STIM1: variants seen among roughly 807,000 people sequenced by gnomAD.
The protein encoded by STIM1 is stromal interaction molecule 1.
Under a neutral mutation model 74.7 loss-of-function variants are expected in STIM1, and 25 were observed. The observed-to-expected ratio is 0.33, with a 90% CI of 0.24 to 0.47. The LOEUF (loss-of-function observed/expected upper bound fraction) is 0.47, where lower values mean the gene tolerates loss of function less well. Among genes scored for constraint, STIM1 ranks in the 20% least tolerant of loss-of-function variants. STIM1 has a pLI of 1.00. For synonymous variants in STIM1, 328 were observed against 348.8 expected, an observed-to-expected ratio of 0.94 and a Z score of 0.66; for missense variants, 728 against 920.8, an observed-to-expected ratio of 0.79 and a Z score of 2.71.
intron 1 of STIM1, among the ~76,000 whole-genome samples, chr11:3,962,532 C>G (rs2093298497): frequency 6.6e-6 from 1 of 151,916 alleles, no homozygotes; most frequent in Admixed American, 6.6e-5. Flanking sequence ...AAAGTTGATT[C>G]TATGTCTTGC....
intron 2 of STIM1, among the ~76,000 whole-genome samples, chr11:4,007,213 A>G (rs761045383): frequency 2.6e-5 from 4 of 152,124 alleles, no homozygotes; most frequent in Non-Finnish European, 5.9e-5. Flanking sequence ...AGTTCTAGCC[A>G]ATGTTGCATT....
chr11:3,870,849 A>G (rs2091057128), intron 1 of STIM1, among the ~76,000 whole-genome samples: 1 of 145,134 alleles, frequency 6.9e-6, no homozygotes, highest in African/African-American at 2.6e-5. Flanking sequence ...ACACCGAGTG[A>G]CCATATCCTA....
At chr11:3,894,770 G>T (rs539485342) in intron 1 of STIM1, among the ~76,000 whole-genome samples, 31 of 151,946 alleles carry the variant, frequency 2.0e-4, no homozygotes, top group Non-Finnish European at 4.0e-4. Context: ...ACAGGGTCTC[G>T]ATTTGTTGCC....
chr11:3,954,955 C>T (rs2093193530), intron 1 of STIM1, among the ~76,000 whole-genome samples: 1 of 152,188 alleles, frequency 6.6e-6, no homozygotes, highest in Admixed American at 6.5e-5. Context: ...CATGAATACT[C>T]ATAATAGCTT....
At chr11:3,854,867 G>C (rs2090302928), upstream of STIM1, 1 of 152,286 alleles carries the variant, frequency 6.6e-6, no homozygotes, top group African/African-American at 2.4e-5. Flanking sequence ...ATTTTAGCTA[G>C]AGTGGTTTGG....
At chr11:3,908,369 T>C (rs569065829) in intron 1 of STIM1, among the ~76,000 whole-genome samples, 1 of 152,310 alleles carries the variant, frequency 6.6e-6, no homozygotes, top group Non-Finnish European at 1.5e-5. Flanking sequence ...TCCCAGCACT[T>C]TGGGAGGCCA....
At chr11:3,976,295 A>G (rs1020975941) in intron 2 of STIM1, among the ~76,000 whole-genome samples, 9 of 152,234 alleles carry the variant, frequency 5.9e-5, no homozygotes, top group African/African-American at 2.2e-4. Flanking sequence ...AATATTACAT[A>G]CTATGTGATT....
chr11:3,992,081 G>GCTTTTTTTTTTTTTTTTTTTT (rs376329167), intron 2 of STIM1, among the ~76,000 whole-genome samples: 8 of 91,962 alleles, frequency 8.7e-5, no homozygotes, highest in Admixed American at 2.5e-4. Flanking sequence ...GCCAACATCT[G>GCTTTTTTTTTTTTTTTTTTTT]TTTTTTTGTT....
At chr11:3,988,288 C>T (rs560867449) in intron 2 of STIM1, among the ~76,000 whole-genome samples, 1 of 152,230 alleles carries the variant, frequency 6.6e-6, no homozygotes, top group African/African-American at 2.4e-5. Flanking sequence ...TATATCTAGT[C>T]CAGGGATCAG....
chr11:4,089,930 C>T (rs1210313340), intron 12 of STIM1, among the ~76,000 whole-genome samples: 2 of 152,146 alleles, frequency 1.3e-5, no homozygotes, highest in African/African-American at 4.8e-5. Context: ...TCAGGATTGG[C>T]AGAGAGAGCA....
intron 1 of STIM1, chr11:3,867,203 C>T (rs1398072152): frequency 6.6e-6 from 1 of 152,174 alleles, no homozygotes; most frequent in Non-Finnish European, 1.5e-5. Context: ...AGTACTTCAT[C>T]CCTATTTACT....
chr11:3,926,441 T>G (rs1327459374), intron 1 of STIM1, among the ~76,000 whole-genome samples: 1 of 152,266 alleles, frequency 6.6e-6, no homozygotes, highest in Non-Finnish European at 1.5e-5. Context: ...TTAATTTTTC[T>G]TTTTGTGCTT....
intron 2 of STIM1, among the ~76,000 whole-genome samples, chr11:4,011,843 T>G (rs568219027): frequency 3.5e-4 from 53 of 152,360 alleles, no homozygotes; most frequent in African/African-American, 1.2e-3. Context: ...CTTCTAGGGT[T>G]TTTATGGTTT....
At chr11:4,064,843 G>A (rs1213692057) in intron 5 of STIM1, among the ~76,000 whole-genome samples, 1 of 152,198 alleles carries the variant, frequency 6.6e-6, no homozygotes, top group African/African-American at 2.4e-5. Context: ...TGGGTTTACA[G>A]GCCCATCTAG....
intron 2 of STIM1, among the ~76,000 whole-genome samples, chr11:4,011,316 C>T (rs967815011): frequency 5.3e-5 from 8 of 152,212 alleles, no homozygotes; most frequent in African/African-American, 1.9e-4. Context: ...AATGGTTGAA[C>T]TAATTTACAC....
At chr11:3,983,820 A>G (rs958683483) in intron 2 of STIM1, among the ~76,000 whole-genome samples, 1 of 151,528 alleles carries the variant, frequency 6.6e-6, no homozygotes, top group African/African-American at 2.4e-5. Flanking sequence ...GCCTGGAGCT[A>G]CTGCTGCTGC....
At chr11:4,017,296 T>C (rs2093907799) in intron 2 of STIM1, among the ~76,000 whole-genome samples, 1 of 152,214 alleles carries the variant, frequency 6.6e-6, no homozygotes, top group African/African-American at 2.4e-5. Flanking sequence ...TCAGCATAAG[T>C]ACCTTCCTTC....
chr11:4,011,110 GTCTGTTATTGATGGACAT>G (rs1158597900), intron 2 of STIM1, among the ~76,000 whole-genome samples: 4 of 152,252 alleles, frequency 2.6e-5, no homozygotes, highest in African/African-American at 9.6e-5. Context: ...TCTTTATCCA[GTCTGTTATTGATGGACAT>G]TTGGGTTGGT....
chr11:3,993,884 T>C (rs2093637606), intron 2 of STIM1, among the ~76,000 whole-genome samples: 1 of 152,210 alleles, frequency 6.6e-6, no homozygotes, highest in African/African-American at 2.4e-5. Context: ...TTATTATTTA[T>C]TGCCTAGAAT....
Sources: gnomAD v4.1 joint callset for allele counts (sites outside exome capture counted in the v4.1 genomes callset) on GRCh38, gnomAD v4.1.1 for gene constraint, MANE v1.5 for transcripts, NCBI Gene and HGNC (gene_info 2026-07-23, HGNC 2026-07-21) for gene names.